ZFAT: variants seen among roughly 807,000 people sequenced by gnomAD.
ZFAT encodes zinc finger and AT-hook domain containing.
In ZFAT, 64 loss-of-function variants were observed where a neutral mutation model predicts 117.7. The ratio of observed to expected loss-of-function variants is 0.54; its 90% CI spans 0.44 to 0.67. The LOEUF (loss-of-function observed/expected upper bound fraction) is 0.67. ZFAT is among the 30% of genes least tolerant of loss of function. ZFAT has a pLI of 0.00. For synonymous variants in ZFAT, 679 were observed against 615.0 expected (o/e 1.10, Z -1.54); for missense variants, 1,433 against 1,584.5 (o/e 0.90, Z 1.62).
the ZFAT span, among the ~76,000 whole-genome samples, chr8:134,802,477 G>C: frequency 6.6e-6 from 1 of 152,150 alleles, no homozygotes; most frequent in South Asian, 2.1e-4. Flanking sequence ...AAGGAACTGA[G>C]GTGTGGAGAT....
chr8:134,504,693 C>A (rs993041916), intron 15 of ZFAT, among the ~76,000 whole-genome samples: 2 of 152,172 alleles, frequency 1.3e-5, no homozygotes, highest in African/African-American at 4.8e-5. Flanking sequence ...CTAGGACATG[C>A]CATAAGGCTA....
intron 2 of ZFAT, among the ~76,000 whole-genome samples, chr8:134,642,720 C>T (rs1221538939): frequency 2.6e-5 from 4 of 152,198 alleles, no homozygotes; most frequent in Non-Finnish European, 5.9e-5. Flanking sequence ...CTGGATACGG[C>T]CAGCTTCCCA....
chr8:134,814,577 A>G, the ZFAT span, among the ~76,000 whole-genome samples: 5 of 152,240 alleles, frequency 3.3e-5, no homozygotes, highest in Admixed American at 6.5e-5. Context: ...CTAACAGCCA[A>G]GGCAATATAA....
the ZFAT span, among the ~76,000 whole-genome samples, chr8:134,725,221 T>C: frequency 9.4e-4 from 143 of 152,316 alleles, no homozygotes; most frequent in Admixed American, 1.9e-3. Context: ...CCCTCAGAAC[T>C]GTAAGCTGCC....
intron 1 of ZFAT, among the ~76,000 whole-genome samples, chr8:134,711,869 G>C (rs1461051845): frequency 6.6e-6 from 1 of 152,134 alleles, no homozygotes; most frequent in African/African-American, 2.4e-5. Flanking sequence ...TTAGAGGTAG[G>C]ACACGCTACT....
chr8:134,772,120 G>A, the ZFAT span, among the ~76,000 whole-genome samples: 3 of 152,152 alleles, frequency 2.0e-5, no homozygotes, highest in Admixed American at 6.5e-5. Flanking sequence ...TATTATATGA[G>A]ACACAACAAT....
rs956185737 is a variant in ZFAT, at chr8:134,622,861, C to T, written c.449-12206G>A. 2.6e-5 allele frequency among the ~76,000 whole-genome samples: 4 copies of T among 152,130 alleles called. No individual in the cohort carries two copies. In the East Asian group the frequency reaches 5.8e-4, roughly 22 times the overall value. On this transcript the variant is annotated intron_variant, in intron 3 of 15. Transcript: ENST00000377838. ...TACCAAAGGCCACAGCTCTCTCCCT[C>T]GGTGTTCTGGTGACTTCTCTCCCCT... is the stretch of plus-strand genomic sequence containing the variant.
intron 11 of ZFAT, among the ~76,000 whole-genome samples, chr8:134,538,240 C>T (rs1450708839): frequency 6.6e-6 from 1 of 152,096 alleles, no homozygotes; most frequent in East Asian, 1.9e-4. Flanking sequence ...AGTCTGGAAT[C>T]ACGGGATCTG....
intron 12 of ZFAT, among the ~76,000 whole-genome samples, chr8:134,521,578 C>T (rs1435236418): frequency 4.6e-5 from 7 of 151,904 alleles, no homozygotes; most frequent in Non-Finnish European, 7.4e-5. Flanking sequence ...ATTTTGCACA[C>T]GTTCCAGGAA....
chr8:134,638,577 A>C lies in ZFAT; in HGVS notation c.197-865T>G, dbSNP rs557729191. Among the ~76,000 whole-genome samples the C allele has an allele frequency of 2.7e-3, 383 of 142,908 alleles. 5 individuals are homozygous for C. Among genetic ancestry groups the C allele is most frequent in the African/African-American group, 8.9e-3 (340 of 38,076 alleles). 93.8% of individuals were successfully genotyped at this position (142,908 alleles called of 152,430 possible). On this transcript the variant is annotated intron_variant, in intron 2 of 15. Transcript: ENST00000377838. ...AAAAAAAACAAAACAAAAAAAAAAA[A>C]CATTAACCAGGCGTGGTGGCGGGCA... is the stretch of plus-strand genomic sequence containing the variant.
intron 3 of ZFAT, among the ~76,000 whole-genome samples, chr8:134,636,057 C>T (rs879729752): frequency 2.6e-5 from 4 of 152,172 alleles, no homozygotes; most frequent in Non-Finnish European, 4.4e-5. Flanking sequence ...TTTTCTACAA[C>T]TTGTACAGAT....
the ZFAT span, among the ~76,000 whole-genome samples, chr8:134,814,537 G>A: frequency 6.6e-6 from 1 of 152,182 alleles, no homozygotes; most frequent in Non-Finnish European, 1.5e-5. Flanking sequence ...ACTGGCTTAT[G>A]GCTGGGAGGC....
the ZFAT span, among the ~76,000 whole-genome samples, chr8:134,788,588 T>C: frequency 2.0e-5 from 3 of 152,132 alleles, no homozygotes; most frequent in Non-Finnish European, 4.4e-5. Flanking sequence ...AAATCAAGTA[T>C]TCATATATGT....
chr8:134,737,262 A>G, the ZFAT span, among the ~76,000 whole-genome samples: 1 of 151,914 alleles, frequency 6.6e-6, no homozygotes, highest in Non-Finnish European at 1.5e-5. Context: ...CCTGGGCAAC[A>G]AGAGCAAAAC....
chr8:134,681,685 C>G (rs1833076546), intron 1 of ZFAT, among the ~76,000 whole-genome samples: 1 of 152,156 alleles, frequency 6.6e-6, no homozygotes, highest in Non-Finnish European at 1.5e-5. Context: ...AGTACAACCA[C>G]CAAAACTAAG....
intron 1 of ZFAT, among the ~76,000 whole-genome samples, chr8:134,709,020 C>T (rs963469305): frequency 2.0e-5 from 3 of 152,174 alleles, no homozygotes; most frequent in African/African-American, 7.2e-5. Flanking sequence ...GGCACAGTGA[C>T]TCAAGCCTAT....
chr8:134,566,393 CA>C (rs57041885), intron 10 of ZFAT, among the ~76,000 whole-genome samples: 5,879 of 77,298 alleles, frequency 0.076, 475 homozygotes, highest in African/African-American at 0.25. Context: ...GACTCCAACT[CA>C]AAAAAAAAAA....
Position 134,587,817 on chromosome 8 carries a change from C to T in ZFAT, c.2713+429G>A, listed in dbSNP as rs117666992. On this transcript the variant is annotated intron_variant, in intron 9 of 15. Coordinates refer to ENST00000377838, the MANE Select transcript of ZFAT (RefSeq NM_020863.4). ...TCCTTCTCCATAGCCTGAATGGTAA[C>T]ACTCCAAACTGCTGGAATGGGAGAA... 4.0e-4 allele frequency among the ~76,000 whole-genome samples: 61 copies of T among 152,348 alleles called. No individual in the cohort carries two copies. The East Asian group carries it at 0.012, about 29-fold the overall frequency.
chr8:134,770,986 G>T, the ZFAT span, among the ~76,000 whole-genome samples: 1 of 152,154 alleles, frequency 6.6e-6, no homozygotes, highest in Non-Finnish European at 1.5e-5. Context: ...AATGACAATG[G>T]TGCCCGAAAC....
Sources: gnomAD v4.1 joint callset for allele counts (sites outside exome capture counted in the v4.1 genomes callset) on GRCh38, gnomAD v4.1.1 for gene constraint, MANE v1.5 for transcripts, NCBI Gene and HGNC (gene_info 2026-07-23, HGNC 2026-07-21) for gene names.